The following AP1M1 variants were observed in gnomAD, a reference collection of about 807,000 sequenced individuals.
AP1M1 encodes adaptor related protein complex 1 subunit mu 1.
A neutral mutation model predicts 57.1 loss-of-function variants in AP1M1; 18 were observed. The observed-to-expected ratio is 0.32, with a 90% CI of 0.22 to 0.47. AP1M1 has a LOEUF of 0.47. AP1M1 is among the 20% of genes least tolerant of loss of function. The probability of loss-of-function intolerance (pLI) is 1.00; values close to 1 mark genes in which losing one functional copy is unlikely to be tolerated. For synonymous variants in AP1M1, 241 were observed against 237.9 expected (o/e 1.01, Z -0.12); for missense variants, 362 against 593.5 (o/e 0.61, Z 4.05).
chr19:16,209,170 A>T lies in AP1M1; in HGVS notation c.539A>T (p.Asn180Ile). 1 of 1,613,990 alleles carries T rather than the reference A, an allele frequency of 6.2e-7. No homozygotes were observed. Among genetic ancestry groups the T allele is most frequent in the South Asian group, 1.1e-5 (1 of 91,074 alleles). Residue 180 changes from asparagine (N) to isoleucine (I), a missense_variant, in exon 5 of 12, where the codon AAC becomes ATC. Asn to Ile is a moderately radical substitution (Grantham distance 149). Transcript: ENST00000291439. ...EVFLDVIESV[N>I]LLVSANGNVL... Reference sequence around the variant, plus strand: ...TTCTTGGACGTCATCGAGTCTGTCAACCTCTTGGTAGGCCTCTTTTCTTTC... The same window carrying T: ...TTCTTGGACGTCATCGAGTCTGTCATCCTCTTGGTAGGCCTCTTTTCTTTC...
intron 1 of AP1M1, among the ~76,000 whole-genome samples, chr19:16,199,088 G>C (rs1057146405): frequency 1.3e-5 from 2 of 152,178 alleles, no homozygotes; most frequent in Middle Eastern, 3.2e-3. Flanking sequence ...GATTACAGGT[G>C]TGAGTCATGT....
chr19:16,208,709 C>T (rs186953202), intron 4 of AP1M1: 123 of 257,330 alleles, frequency 4.8e-4, no homozygotes, highest in Admixed American at 1.1e-3. Context: ...CATCCACGTG[C>T]TCAGCAGGGA....
In AP1M1 at chr19:16,227,289, C is replaced by T. The variant is rs2145137048; in HGVS notation, c.674-259C>T. On this transcript the variant is annotated intron_variant, in intron 6 of 11. Coordinates refer to ENST00000291439, the MANE Select transcript of AP1M1 (RefSeq NM_032493.4). The surrounding 1 kb of genome is among the most constrained non-coding windows in gnomAD (Gnocchi z 6.2). The stretch of plus-strand genomic sequence containing the variant: ...AGTGAACGTGTCCTGAGCAGGTCCC[C>T]TGGCTGGGCCCTGGGATGGCCGCTG... Among the ~76,000 whole-genome samples the T allele has an allele frequency of 7.2e-6, 1 of 138,006 alleles. No homozygotes were observed. 90.5% of individuals were successfully genotyped at this position (138,006 alleles called of 152,430 possible).
In AP1M1 at chr19:16,234,464, C is replaced by G; in HGVS notation, c.*29C>G. 1 of 1,613,042 alleles carries G rather than the reference C, an allele frequency of 6.2e-7. No homozygotes were observed. The highest frequency in any genetic ancestry group is 2.2e-5 in the East Asian group (1 of 44,852). On this transcript the variant is annotated 3_prime_UTR_variant, in exon 12 of 12. Transcript: ENST00000291439. ...GCTGTCGCAGCCAACACCCCGGCCT[C>G]GGGGCTCCTGGTGGCAGCACCAGGG...
intron 1 of AP1M1, among the ~76,000 whole-genome samples, chr19:16,198,812 T>G (rs1260783612): frequency 2.0e-5 from 3 of 151,860 alleles, no homozygotes; most frequent in African/African-American, 7.3e-5. Context: ...TCCCTTTTTT[T>G]TTGTTTTGTT....
intron 9 of AP1M1, among the ~76,000 whole-genome samples, chr19:16,231,060 G>A (rs956888666): frequency 2.6e-5 from 4 of 151,806 alleles, no homozygotes; most frequent in African/African-American, 7.3e-5. Context: ...AGGCTGAGGC[G>A]GGCGGATCAC....
At chr19:16,205,244 G>A (rs1404926369) in intron 2 of AP1M1, among the ~76,000 whole-genome samples, 8 of 152,136 alleles carry the variant, frequency 5.3e-5, no homozygotes, top group African/African-American at 1.7e-4. Flanking sequence ...TCAGTTTCTG[G>A]TTGGGCCCCC....
Position 16,209,095 on chromosome 19 carries a change from A to G in AP1M1, c.464A>G (p.Asn155Ser). Residue 155 changes from asparagine to serine, a missense_variant, in exon 5 of 12, where the codon AAC (asparagine) becomes AGC (serine). This residue lies in a region of AP1M1 where 337 missense variants were observed against 511.1 expected (regional missense o/e 0.66). Transcript: ENST00000291439. Reference protein sequence around the residue: ...GAPRPPATVTNAVSWRSEGIK... With the variant: ...GAPRPPATVTSAVSWRSEGIK... ...CCGCGGCCACCAGCCACCGTCACCA[A>G]CGCGGTGTCCTGGCGGTCCGAAGGC... 3 of 1,614,194 alleles carry G rather than the reference A, an allele frequency of 1.9e-6. No homozygotes were observed. The highest frequency in any genetic ancestry group is 1.1e-5 in the South Asian group (1 of 91,084).
Position 16,203,701 on chromosome 19 carries a change from G to C in AP1M1, c.199+86G>C. 6.3e-6 allele frequency: 9 copies of C among 1,438,690 alleles called. No individual in the cohort carries two copies. The highest frequency in any genetic ancestry group is 8.5e-6 in the Non-Finnish European group (9 of 1,056,052). 89.1% of individuals were successfully genotyped at this position (1,438,690 alleles called of 1,614,324 possible). On this transcript the variant is annotated intron_variant, in intron 2 of 11. Coordinates refer to ENST00000291439, the MANE Select transcript of AP1M1 (RefSeq NM_032493.4). This position sits in a 1 kb window ranked among gnomAD's most constrained non-coding sequence, Gnocchi z 4.6. ...ATCCACACGCCTGCAAGCAGGGCTG[G>C]TTTGTGCACAGCGCAAGCATTGGAC...
intron 6 of AP1M1, 26 bp downstream of exon 6, chr19:16,226,573 C>T: frequency 6.4e-7 from 1 of 1,562,514 alleles, no homozygotes. Flanking sequence ...AAGGGCCCTG[C>T]CCATGAGGAT....
chr19:16,206,354 C>G lies in AP1M1; in HGVS notation c.213C>G (p.Ser71=). The change falls in exon 3 of 12, where the codon TCC becomes TCG. Residue 71 remains serine, a synonymous_variant. Coordinates refer to ENST00000291439, the MANE Select transcript of AP1M1 (RefSeq NM_032493.4). The surrounding 1 kb of genome is among the most constrained non-coding windows in gnomAD (Gnocchi z 4.3). ...GCCGCCATGCAGTGGTTGCCACATCCAAGAAGAACGCGTGCGTGTCGCTGG... is the reference window on the plus strand; with the variant it reads ...GCCGCCATGCAGTGGTTGCCACATCGAAGAAGAACGCGTGCGTGTCGCTGG... ...KHNNLYLVAT[S]KKNACVSLVF... is the part of the protein sequence containing the mutation. The G allele has an allele frequency of 6.2e-7, 1 of 1,614,142 alleles. No individual in the cohort carries two copies. The highest frequency in any genetic ancestry group is 1.1e-5 in the South Asian group (1 of 91,060).
intron 5 of AP1M1, 120 bp downstream of exon 5, chr19:16,209,297 A>T: frequency 8.6e-7 from 1 of 1,159,296 alleles, no homozygotes; most frequent in Non-Finnish European, 1.2e-6. Context: ...AGATAGCAGG[A>T]TTCAGTTTGG....
rs1263267498 is a variant in AP1M1, at chr19:16,242,199, ACTC to A, written c.*7765_*7767del. On this transcript the variant is annotated 3_prime_UTR_variant, in exon 12 of 12. Coordinates refer to ENST00000291439, the MANE Select transcript of AP1M1 (RefSeq NM_032493.4). ...GTGGCGCACACCTGTAGTCCAAACTACTCAGGAGGCTGAGTTGGGAGGATCACC... is the reference window on the plus strand; with the variant it reads ...GTGGCGCACACCTGTAGTCCAAACTAAGGAGGCTGAGTTGGGAGGATCACC... 1 of 152,044 alleles carries A rather than the reference ACTC, an allele frequency of 6.6e-6. No homozygotes were observed. Among genetic ancestry groups the A allele is most frequent in the Non-Finnish European group, 1.5e-5 (1 of 68,084 alleles). 9.4% of individuals were successfully genotyped at this position (152,044 alleles called of 1,614,324 possible).
intron 5 of AP1M1, among the ~76,000 whole-genome samples, chr19:16,222,197 CTAT>C (rs1294079541): frequency 2.4e-4 from 28 of 119,020 alleles, no homozygotes; most frequent in African/African-American, 8.2e-4. Flanking sequence ...ATTATTATTA[CTAT>C]TATTATTATT....
At chr19:16,224,034 T>C (rs2091558193) in intron 5 of AP1M1, among the ~76,000 whole-genome samples, 2 of 152,300 alleles carry the variant, frequency 1.3e-5, no homozygotes, top group South Asian at 4.1e-4. Flanking sequence ...ACGTGTGCAC[T>C]TGGGTGTCTC....
At position 16,238,704 on chromosome 19, in the gene AP1M1, C is replaced by G. The variant is rs1302869480; in HGVS notation, c.*4269C>G. On this transcript the variant is annotated 3_prime_UTR_variant, in exon 12 of 12. Coordinates refer to ENST00000291439, the MANE Select transcript of AP1M1 (RefSeq NM_032493.4). ...GCTTGGTATTGCTTAGTGGCTTGTT[C>G]TGTATTCTTTCTTTATGCTTTTTTT... 2.7e-5 allele frequency: 4 copies of G among 146,592 alleles called. No homozygotes were observed. The highest frequency in any genetic ancestry group is 5.9e-5 in the Non-Finnish European group (4 of 67,244). 9.1% of individuals were successfully genotyped at this position (146,592 alleles called of 1,614,324 possible). A position where few individuals can be genotyped will look rare whatever the true frequency, so the allele number is the denominator to read the frequency against.
intron 5 of AP1M1, among the ~76,000 whole-genome samples, chr19:16,214,055 T>TTTC (rs2091507030): frequency 6.7e-6 from 1 of 150,200 alleles, no homozygotes; most frequent in Non-Finnish European, 1.5e-5. Context: ...CCTTTTTCTT[T>TTTC]TTTTTTTTTT....
intron 5 of AP1M1, among the ~76,000 whole-genome samples, chr19:16,223,267 G>A (rs2091553985): frequency 6.6e-6 from 1 of 152,160 alleles, no homozygotes; most frequent in East Asian, 1.9e-4. Flanking sequence ...GTCATTCTGG[G>A]ACCCGAGTGG....
rs553827638 is a variant in AP1M1, at chr19:16,228,508, A to G, written c.889-262A>G. Among the ~76,000 whole-genome samples the G allele has an allele frequency of 6.6e-6, 1 of 152,204 alleles. No homozygotes were observed. The highest frequency in any genetic ancestry group is 1.9e-4 in the East Asian group (1 of 5,154). ...CGCAGCCTGGCCCTGGGACATAGAC[A>G]TTGTCCTAGGAGGGCAGGGCAGAGG... On this transcript the variant is annotated intron_variant, in intron 8 of 11. Transcript: ENST00000291439. This position sits in a 1 kb window ranked among gnomAD's most constrained non-coding sequence, Gnocchi z 5.0.
Sources: allele counts gnomAD v4.1 joint callset (sites outside exome capture counted in the v4.1 genomes callset), GRCh38; gene constraint gnomAD v4.1.1; regional missense constraint gnomAD v4.1.1; non-coding constraint Gnocchi (gnomAD v3.1); transcripts MANE v1.5; gene names NCBI Gene and HGNC (gene_info 2026-07-23, HGNC 2026-07-21).